Variants in ALDH7A1 observed in about 807,000 individuals in gnomAD.
ALDH7A1 encodes the protein alpha-aminoadipic semialdehyde dehydrogenase.
A neutral mutation model predicts 79.9 loss-of-function variants in ALDH7A1; 63 were observed. That is an observed-to-expected ratio of 0.79 (90% CI 0.64 to 0.97). The LOEUF is 0.97. Ranked by LOEUF, ALDH7A1 falls within the 50% of genes least tolerant of loss-of-function variation. The pLI, the probability that ALDH7A1 is intolerant of heterozygous loss-of-function variation, is 0.00. For missense variants in ALDH7A1, 627 were observed against 665.2 expected, an observed-to-expected ratio of 0.94 and a Z score of 0.63; for synonymous variants, 240 against 231.2, an observed-to-expected ratio of 1.04 and a Z score of -0.34.
chr5:126,559,413 TG>T, intron 10 of ALDH7A1, 79 bp from the exon 11 acceptor site: 3 of 1,103,828 alleles, frequency 2.7e-6, no homozygotes, highest in Non-Finnish European at 4.0e-6. Flanking sequence ...AAAACAATGT[TG>T]TTTTTTGTTT....
At chr5:126,575,567 T>G in intron 6 of ALDH7A1, 103 bp from the exon 7 acceptor site, 4 of 1,047,118 alleles carry the variant, frequency 3.8e-6, no homozygotes, top group South Asian at 1.5e-5. Flanking sequence ...GAAAAAGCTC[T>G]GTCCAATTAG....
intron 7 of ALDH7A1, chr5:126,571,148 AGAT>A: frequency 3.9e-6 from 1 of 254,862 alleles, no homozygotes; most frequent in Non-Finnish European, 7.3e-6. Flanking sequence ...AACTATTAGC[AGAT>A]TTTTTTTTTT....
At chr5:126,558,743 C>A (rs1363167831) in intron 11 of ALDH7A1, among the ~76,000 whole-genome samples, 1 of 152,000 alleles carries the variant, frequency 6.6e-6, no homozygotes, top group Non-Finnish European at 1.5e-5. Flanking sequence ...CCAGGCTGGT[C>A]TCGAACTACT....
At chr5:126,584,575 G>A (rs577673766) in intron 3 of ALDH7A1, 11 of 150,946 alleles carry the variant, frequency 7.3e-5, no homozygotes, top group East Asian at 5.9e-4. Context: ...CAGGAGAATC[G>A]CTTGAACCCA....
chr5:126,550,782 A>C (rs1025275583), intron 14 of ALDH7A1, among the ~76,000 whole-genome samples: 1 of 152,272 alleles, frequency 6.6e-6, no homozygotes, highest in Non-Finnish European at 1.5e-5. Context: ...TACGTGAAAC[A>C]ATGATAGGCA....
chr5:126,563,393 T>C (rs1398604140), intron 9 of ALDH7A1, among the ~76,000 whole-genome samples: 1 of 152,236 alleles, frequency 6.6e-6, no homozygotes, highest in African/African-American at 2.4e-5. Context: ...TAGCTGTTTC[T>C]CCAGTGTTGA....
chr5:126,564,479 C>A, intron 9 of ALDH7A1: 1 of 1,178,044 alleles, frequency 8.5e-7, no homozygotes, highest in South Asian at 4.4e-5. Flanking sequence ...ATCTTTTGAT[C>A]ATCGATTTCC....
rs1368410088 is a variant in ALDH7A1 at position 126,543,582 on chromosome 5, A to T, written c.*1383T>A. ...TCATTTGCTTACTTCTCTGGGCCAT[A>T]ATTCAACCCCAAATTATTTGCCATT... On this transcript the variant is annotated 3_prime_UTR_variant, in exon 18 of 18. Coordinates refer to ENST00000409134, the MANE Select transcript of ALDH7A1 (RefSeq NM_001182.5). 1 of 152,208 alleles carries T rather than the reference A, an allele frequency of 6.6e-6. No homozygotes were observed. The highest frequency in any genetic ancestry group is 1.5e-5 in the Non-Finnish European group (1 of 68,034). The allele number at this position is 152,208 out of a possible 1,614,324, so 9.4% of individuals were successfully genotyped here.
intron 5 of ALDH7A1, among the ~76,000 whole-genome samples, chr5:126,582,453 G>A (rs1392197550): frequency 2.0e-5 from 3 of 152,014 alleles, no homozygotes; most frequent in African/African-American, 4.8e-5. Context: ...CTTATGATTC[G>A]ACATTTAGGT....
At chr5:126,562,647 A>C (rs1750442895) in intron 9 of ALDH7A1, among the ~76,000 whole-genome samples, 1 of 152,134 alleles carries the variant, frequency 6.6e-6, no homozygotes, top group Non-Finnish European at 1.5e-5. Context: ...CAAGAGATCA[A>C]GACCATCCTG....
At chr5:126,584,280 G>T (rs1165964632) in intron 3 of ALDH7A1, 1 of 458,960 alleles carries the variant, frequency 2.2e-6, no homozygotes. Flanking sequence ...TGCCATCAGG[G>T]TTTTAAAGAC....
intron 4 of ALDH7A1, 81 bp downstream of exon 4, chr5:126,583,851 C>G: frequency 1.6e-6 from 2 of 1,240,442 alleles, no homozygotes; most frequent in Non-Finnish European, 2.3e-6. Context: ...AAAAAAAAAC[C>G]TCACAATTTT....
In ALDH7A1 at chr5:126,556,038, G is replaced by A. The variant is rs1750184871; in HGVS notation, c.1009-23C>T. On this transcript the variant is annotated intron_variant, in intron 11 of 17. Transcript: ENST00000409134. Reference sequence around the variant, plus strand: ...AAACTAAACGAAAAAAGATATTCAAGGGCATAGTATGATAAATGCACACAT... The same window carrying A: ...AAACTAAACGAAAAAAGATATTCAAAGGCATAGTATGATAAATGCACACAT... 2.6e-6 allele frequency: 4 copies of A among 1,541,412 alleles called. No individual in the cohort carries two copies. The African/African-American group carries it at 5.5e-5, about 21-fold the overall frequency.
rs1561652430 is a variant in ALDH7A1 at position 126,556,022 on chromosome 5, GA to G, written c.1009-8del. Reference sequence around the variant, plus strand: ...GGATGCTTTCATGTATAAACTAAACGAAAAAAGATATTCAAGGGCATAGTAT... The same window carrying G: ...GGATGCTTTCATGTATAAACTAAACGAAAAAGATATTCAAGGGCATAGTAT... On this transcript the variant is annotated splice_region_variant and splice_polypyrimidine_tract_variant and intron_variant, in intron 11 of 17. Coordinates refer to ENST00000409134, the MANE Select transcript of ALDH7A1 (RefSeq NM_001182.5). 2.5e-6 allele frequency: 4 copies of G among 1,600,852 alleles called. No individual in the cohort carries two copies. Among genetic ancestry groups the G allele is most frequent in the Non-Finnish European group, 3.4e-6 (4 of 1,169,754 alleles).
intron 17 of ALDH7A1, among the ~76,000 whole-genome samples, chr5:126,545,813 C>A (rs921333199): frequency 4.0e-5 from 6 of 151,302 alleles, no homozygotes; most frequent in Non-Finnish European, 5.9e-5. Context: ...AAAGTGTGCC[C>A]TCAAAAGTGC....
At chr5:126,545,217 T>C (rs1254281964) in intron 17 of ALDH7A1, among the ~76,000 whole-genome samples, 198 bp from the exon 18 acceptor site, 2 of 152,102 alleles carry the variant, frequency 1.3e-5, no homozygotes, top group African/African-American at 4.8e-5. Context: ...GACAGAAACA[T>C]AAAAATCTGG....
Position 126,542,657 on chromosome 5 carries a change from C to CAA in ALDH7A1, c.*2306_*2307dup. 6.7e-6 allele frequency: 1 copy of CAA among 150,286 alleles called. No individual in the cohort carries two copies. The allele number at this position is 150,286 out of a possible 1,614,324, so 9.3% of individuals were successfully genotyped here. A position where few individuals can be genotyped will look rare whatever the true frequency, so the allele number is the denominator to read the frequency against. ...TCCAGTGTGGGCAAAACTGAGACAC[C>CAA]AAAAAAAAAGAAGTGTTCTGTGGTT... is the stretch of plus-strand genomic sequence containing the variant. On this transcript the variant is annotated 3_prime_UTR_variant, in exon 18 of 18. Transcript: ENST00000409134.
chr5:126,582,868 G>T lies in ALDH7A1; in HGVS notation c.500C>A (p.Pro167His). 1.2e-6 allele frequency: 2 copies of T among 1,612,500 alleles called. No homozygotes were observed. The highest frequency in any genetic ancestry group is 2.7e-5 in the African/African-American group (2 of 74,970). ...AVGLSRMIGG[P>H]ILPSERSGHA... The stretch of plus-strand genomic sequence containing the variant: ...TTGCTTACTTTCAGAAGGCAAGATA[G>T]GTCCTCCAATCATCCTTGATAAACC... Residue 167 changes from proline to histidine, a missense_variant, in exon 5 of 18, where the codon CCT (proline) becomes CAT (histidine). Transcript: ENST00000409134.
intron 9 of ALDH7A1, among the ~76,000 whole-genome samples, chr5:126,565,177 A>G (rs1750529049): frequency 6.6e-6 from 1 of 151,978 alleles, no homozygotes; most frequent in South Asian, 2.1e-4. Flanking sequence ...GGCGGATCAC[A>G]AGGTCTGGAG....
Sources: allele counts gnomAD v4.1 joint callset (sites outside exome capture counted in the v4.1 genomes callset), GRCh38; gene constraint gnomAD v4.1.1; transcripts MANE v1.5; gene names NCBI Gene and HGNC (gene_info 2026-07-23, HGNC 2026-07-21).